ZRANB3: variants seen among roughly 807,000 people sequenced by gnomAD.
ZRANB3 encodes DNA annealing helicase and endonuclease ZRANB3.
In ZRANB3, 125 loss-of-function variants were observed where a neutral mutation model predicts 133.8. That is an observed-to-expected ratio of 0.93 (90% CI 0.81 to 1.08). ZRANB3 has a LOEUF of 1.08. ZRANB3 is among the 50% of genes least tolerant of loss of function. ZRANB3 has a pLI of 0.00. For synonymous variants in ZRANB3, 387 were observed against 432.7 expected, an observed-to-expected ratio of 0.89 and a Z score of 1.31; for missense variants, 1,229 against 1,275.5, an observed-to-expected ratio of 0.96 and a Z score of 0.56.
chr2:135,263,924 T>G (rs1285716961), intron 12 of ZRANB3, among the ~76,000 whole-genome samples: 3 of 151,402 alleles, frequency 2.0e-5, no homozygotes, highest in African/African-American at 7.3e-5. Context: ...TACAGGCATG[T>G]GCCATGACGC....
At chr2:135,387,049 G>A (rs1278509075) in intron 3 of ZRANB3, among the ~76,000 whole-genome samples, 2 of 151,500 alleles carry the variant, frequency 1.3e-5, no homozygotes, top group South Asian at 2.1e-4. Flanking sequence ...GAAAGAAGGG[G>A]GAATAATACT....
chr2:135,503,536 G>A (rs1280917885), intron 2 of ZRANB3, among the ~76,000 whole-genome samples: 1 of 152,026 alleles, frequency 6.6e-6, no homozygotes, highest in East Asian at 1.9e-4. Flanking sequence ...CCATATAATG[G>A]CCCAATTTGA....
intron 6 of ZRANB3, among the ~76,000 whole-genome samples, chr2:135,335,567 C>A (rs1213285239): frequency 6.6e-6 from 1 of 152,056 alleles, no homozygotes; most frequent in Non-Finnish European, 1.5e-5. Context: ...GTGACACATG[C>A]CTGCAGTCCC....
chr2:135,211,169 C>G (rs1348098681), intron 17 of ZRANB3, among the ~76,000 whole-genome samples: 1 of 152,116 alleles, frequency 6.6e-6, no homozygotes. Context: ...TTAAAGTTTA[C>G]AATTAAGTGC....
chr2:135,515,577 C>CA (rs1363996118), intron 1 of ZRANB3, among the ~76,000 whole-genome samples: 2 of 152,142 alleles, frequency 1.3e-5, no homozygotes, highest in Non-Finnish European at 2.9e-5. Flanking sequence ...GTTCAGTTTC[C>CA]ATGTAGTTGT....
chr2:135,217,805 A>T (rs539092898), intron 16 of ZRANB3, among the ~76,000 whole-genome samples, 198 bp from the exon 17 acceptor site: 1 of 152,228 alleles, frequency 6.6e-6, no homozygotes, highest in South Asian at 2.1e-4. Context: ...GCAGTTCTCA[A>T]GAGATATCTC....
At chr2:135,383,634 A>G (rs1289260256) in intron 3 of ZRANB3, among the ~76,000 whole-genome samples, 1 of 152,248 alleles carries the variant, frequency 6.6e-6, no homozygotes, top group Non-Finnish European at 1.5e-5. Context: ...AACAGAAATT[A>G]TAACAAACTC....
At chr2:135,454,627 C>T (rs566511087) in intron 2 of ZRANB3, among the ~76,000 whole-genome samples, 2 of 152,234 alleles carry the variant, frequency 1.3e-5, no homozygotes, top group African/African-American at 2.4e-5. Context: ...GTCCATTATA[C>T]CACTCTGTAT....
In ZRANB3 at chr2:135,467,194, T is replaced by A. The variant is rs183028871; in HGVS notation, c.161+37135A>T. Among the ~76,000 whole-genome samples the A allele has an allele frequency of 7.0e-3, 1,065 of 152,228 alleles. 11 individuals are homozygous for A. Among genetic ancestry groups the A allele is most frequent in the African/African-American group, 0.024 (998 of 41,528 alleles). ...GAGTGGCTTTCATTCTCTGCTCCCA[T>A]TTAAACAAATGAGCAGAGCATTATC... On this transcript the variant is annotated intron_variant, in intron 2 of 20. Transcript: ENST00000264159.
intron 2 of ZRANB3, among the ~76,000 whole-genome samples, chr2:135,494,829 A>C (rs1692590426): frequency 6.6e-6 from 1 of 152,246 alleles, no homozygotes; most frequent in African/African-American, 2.4e-5. Flanking sequence ...AAACAAAAAG[A>C]TATCATTAAA....
intron 6 of ZRANB3, among the ~76,000 whole-genome samples, chr2:135,342,217 C>T (rs1270597897): frequency 2.0e-5 from 3 of 149,660 alleles, no homozygotes; most frequent in Non-Finnish European, 4.4e-5. Flanking sequence ...CCAGCCAACA[C>T]TTAGGGAAAA....
intron 5 of ZRANB3, among the ~76,000 whole-genome samples, chr2:135,349,651 T>C (rs535657589): frequency 1.3e-5 from 2 of 152,282 alleles, no homozygotes; most frequent in African/African-American, 2.4e-5. Context: ...AAGAAGCTTA[T>C]AATGTAAAAT....
chr2:135,378,663 C>T (rs1686540548), intron 3 of ZRANB3, among the ~76,000 whole-genome samples: 1 of 152,116 alleles, frequency 6.6e-6, no homozygotes, highest in Non-Finnish European at 1.5e-5. Context: ...TTGGGATTAA[C>T]ATTAACAGTG....
chr2:135,390,826 A>G lies in ZRANB3; in HGVS notation c.162-6T>C, dbSNP rs774772800. On this transcript the variant is annotated splice_region_variant and splice_polypyrimidine_tract_variant and intron_variant, in intron 2 of 20. Transcript: ENST00000264159. ...CTTCATCAGCCACCATACACCTGGA[A>G]AAAAAAAAAAAAAAAAATTAATTAT... is the stretch of plus-strand genomic sequence containing the variant. 9.0e-5 allele frequency: 64 copies of G among 710,642 alleles called. No homozygotes were observed. Among genetic ancestry groups the G allele is most frequent in the South Asian group, 6.5e-4 (22 of 33,944 alleles). 44.0% of individuals were successfully genotyped at this position (710,642 alleles called of 1,614,324 possible). A position where few individuals can be genotyped will look rare whatever the true frequency, so the allele number is the denominator to read the frequency against.
intron 6 of ZRANB3, among the ~76,000 whole-genome samples, chr2:135,324,655 A>T (rs1683720229): frequency 6.6e-6 from 1 of 152,246 alleles, no homozygotes; most frequent in African/African-American, 2.4e-5. Flanking sequence ...AGGAATCGCC[A>T]CACTGTCTTC....
intron 2 of ZRANB3, among the ~76,000 whole-genome samples, chr2:135,429,464 C>A (rs1366989497): frequency 6.6e-6 from 1 of 152,016 alleles, no homozygotes; most frequent in Non-Finnish European, 1.5e-5. Flanking sequence ...CTCCATACCC[C>A]CATGGCACAC....
At position 135,346,120 on chromosome 2, in the gene ZRANB3, G is replaced by A. The variant is rs1369905180; in HGVS notation, c.592-485C>T. Among the ~76,000 whole-genome samples the A allele has an allele frequency of 5.3e-5, 8 of 152,046 alleles. No individual in the cohort carries two copies. The East Asian group carries it at 1.3e-3, about 26-fold the overall frequency. On this transcript the variant is annotated intron_variant, in intron 5 of 20. Transcript: ENST00000264159. The stretch of plus-strand genomic sequence containing the variant: ...TTGTTTTGTTTTTTGTTTTTGAGAC[G>A]GAGTCTCGCTCTGTCGCCCAGGCTG...
intron 1 of ZRANB3, 49 bp from the exon 2 acceptor site, chr2:135,504,545 T>C: frequency 6.8e-7 from 1 of 1,480,590 alleles, no homozygotes. Flanking sequence ...GAAATAGATA[T>C]TACTAAGTAT....
intron 3 of ZRANB3, among the ~76,000 whole-genome samples, chr2:135,375,577 T>C (rs918352701): frequency 1.3e-5 from 2 of 151,612 alleles, no homozygotes; most frequent in African/African-American, 4.9e-5. Flanking sequence ...CCCAGCTACT[T>C]GGGAGGCTGA....
Sources: gnomAD v4.1 joint callset for allele counts (sites outside exome capture counted in the v4.1 genomes callset) on GRCh38, gnomAD v4.1.1 for gene constraint, MANE v1.5 for transcripts, NCBI Gene and HGNC (gene_info 2026-07-23, HGNC 2026-07-21) for gene names.